Variants in ECE1 observed in about 807,000 individuals in gnomAD.
ECE1 encodes endothelin-converting enzyme 1.
Under a neutral mutation model 98.6 loss-of-function variants are expected in ECE1, and 35 were observed. That is an observed-to-expected ratio of 0.35 (90% CI 0.27 to 0.47). The LOEUF is 0.47. ECE1 is among the 20% of genes least tolerant of loss of function. The pLI is 1.00. For synonymous variants in ECE1, 394 were observed against 407.1 expected (o/e 0.97, Z 0.39); for missense variants, 814 against 1,025.3 (o/e 0.79, Z 2.81).
intron 4 of ECE1, among the ~76,000 whole-genome samples, chr1:21,267,417 A>G (rs1164216346): frequency 1.3e-5 from 2 of 152,210 alleles, no homozygotes; most frequent in African/African-American, 2.4e-5. Context: ...ATGGGTGGCA[A>G]CAGGCAAAGA....
chr1:21,334,097 C>G (rs537660622), intron 1 of ECE1, among the ~76,000 whole-genome samples: 2 of 152,286 alleles, frequency 1.3e-5, no homozygotes, highest in African/African-American at 4.8e-5. Flanking sequence ...GGCTCCAAAA[C>G]CTCCATACCT....
chr1:21,282,606 A>G (rs1172434642), intron 2 of ECE1, among the ~76,000 whole-genome samples: 1 of 145,652 alleles, frequency 6.9e-6, no homozygotes, highest in Non-Finnish European at 1.5e-5. Context: ...AAAAAAAAAG[A>G]AAGAAAAGAA....
intron 13 of ECE1, among the ~76,000 whole-genome samples, chr1:21,234,224 G>A (rs2098185293): frequency 6.6e-6 from 1 of 151,862 alleles, no homozygotes; most frequent in Non-Finnish European, 1.5e-5. Flanking sequence ...CTGACCTCAG[G>A]TGATCAGCCC....
rs538864292 is a variant in ECE1, at chr1:21,225,095, G to A, written c.2040+155C>T. On this transcript the variant is annotated intron_variant, in intron 17 of 18. Transcript: ENST00000374893. The surrounding 1 kb of genome is among the most constrained non-coding windows in gnomAD (Gnocchi z 5.3). ...GGGGAGCCTCCACGGTCGGCATCGC[G>A]ATTGGTCCTCGCCACCCCCAATTTC... 2.2e-4 allele frequency among the ~76,000 whole-genome samples: 33 copies of A among 152,190 alleles called. No individual in the cohort carries two copies. The highest frequency in any genetic ancestry group is 3.8e-4 in the Non-Finnish European group (26 of 68,032).
At chr1:21,230,576 TG>T (rs1489320362) in intron 14 of ECE1, among the ~76,000 whole-genome samples, 1 of 152,014 alleles carries the variant, frequency 6.6e-6, no homozygotes, top group Admixed American at 6.6e-5. Flanking sequence ...TTAGTAGAGA[TG>T]GGGTTTCACC....
chr1:21,272,744 T>G lies in ECE1; in HGVS notation c.448A>C (p.Ser150Arg). The change falls in exon 4 of 19, where the codon AGC becomes CGC. Residue 150 changes from serine (S) to arginine (R), a missense_variant. Around this residue, in one of 3 missense-constraint regions of ECE1, gnomAD observed 257 missense variants for 278.9 expected, o/e 0.92. Transcript: ENST00000374893. ...PDGHSRWGTFSNLWEHNQAII... is the reference protein window; with the variant it reads ...PDGHSRWGTFRNLWEHNQAII... ...GCTTGGTTGTGTTCCCAGAGGTTGC[T>G]GAAGGTCCCCCAGCGTGAGTGGCCA... is the stretch of plus-strand genomic sequence containing the variant. The G allele has an allele frequency of 6.8e-6, 11 of 1,614,266 alleles. No individual in the cohort carries two copies. The highest frequency in any genetic ancestry group is 7.6e-6 in the Non-Finnish European group (9 of 1,180,044).
chr1:21,256,177 C>A (rs775758654), intron 7 of ECE1, 39 bp from the exon 8 acceptor site: 1 of 1,573,532 alleles, frequency 6.4e-7, no homozygotes, highest in Non-Finnish European at 8.7e-7. Flanking sequence ...TGGCTGCCCC[C>A]CCACTATCCA....
chr1:21,316,443 AT>A (rs202241698), intron 1 of ECE1, among the ~76,000 whole-genome samples: 1,301 of 128,088 alleles, frequency 0.01, 8 homozygotes, highest in Non-Finnish European at 0.017. Flanking sequence ...TAATTTTTGT[AT>A]TTTTTTTTTA....
intron 6 of ECE1, 143 bp from the exon 7 acceptor site, chr1:21,257,733 C>T (rs2098221646): frequency 4.6e-6 from 4 of 862,780 alleles, no homozygotes; most frequent in Non-Finnish European, 7.6e-6. Context: ...TGGCTACAGT[C>T]ACTGAGAAGC....
chr1:21,289,467 G>A (rs1183660067), intron 2 of ECE1, among the ~76,000 whole-genome samples: 1 of 152,166 alleles, frequency 6.6e-6, no homozygotes, highest in Non-Finnish European at 1.5e-5. Flanking sequence ...GCCCACGGGC[G>A]GAGACCCTGG....
chr1:21,274,606 G>A (rs1240466158), intron 3 of ECE1, among the ~76,000 whole-genome samples: 5 of 152,272 alleles, frequency 3.3e-5, no homozygotes, highest in African/African-American at 1.2e-4. Flanking sequence ...AGCAAAGAAC[G>A]CACGAGCTAG....
chr1:21,240,923 G>A (rs1283321492), intron 10 of ECE1, among the ~76,000 whole-genome samples: 3 of 152,246 alleles, frequency 2.0e-5, no homozygotes, highest in Admixed American at 6.5e-5. Context: ...TACGCATCCA[G>A]CGTTCTGTGA....
rs1247566799 is a variant in ECE1 at position 21,256,138 on chromosome 1, C to G, written c.829G>C (p.Val277Leu). Residue 277 changes from valine to leucine, a missense_variant and splice_region_variant, in exon 8 of 19, where the codon GTG (valine) becomes CTG (leucine). This residue lies in a region of ECE1 where 105 missense variants were observed against 179.1 expected (regional missense o/e 0.59). Coordinates refer to ENST00000374893, the MANE Select transcript of ECE1 (RefSeq NM_001397.3). ...ATGTAGTTCAGATATCCGGTCAGCA[C>G]CTGCAGGGCCCATACCCCAAACTGT... ...YYLNKTENEKVLTGYLNYMVQ... is the reference protein window; with the variant it reads ...YYLNKTENEKLLTGYLNYMVQ... The G allele has an allele frequency of 2.5e-6, 4 of 1,597,880 alleles. No individual in the cohort carries two copies. The Admixed American group carries it at 5.0e-5, about 20-fold the overall frequency.
chr1:21,257,879 CTCCCCAACGCTT>C (rs1178164894), intron 6 of ECE1, among the ~76,000 whole-genome samples: 2 of 152,250 alleles, frequency 1.3e-5, no homozygotes, highest in Non-Finnish European at 2.9e-5. Flanking sequence ...GTGCCTCTAT[CTCCCCAACGCTT>C]TCCAGGTGGT....
intron 3 of ECE1, among the ~76,000 whole-genome samples, chr1:21,276,885 T>A (rs1326072616): frequency 6.6e-6 from 1 of 151,990 alleles, no homozygotes; most frequent in African/African-American, 2.4e-5. Flanking sequence ...CCTGGCTAAT[T>A]TTTGTATTTT....
chr1:21,276,648 C>G (rs960664229), intron 3 of ECE1, among the ~76,000 whole-genome samples: 1 of 151,884 alleles, frequency 6.6e-6, no homozygotes, highest in Non-Finnish European at 1.5e-5. Flanking sequence ...CCAGACATTC[C>G]CAGAGGCTGG....
At position 21,342,432 on chromosome 1, in the gene ECE1, G is replaced by T. The variant is rs570335155; in HGVS notation, c.3+2944C>A. On this transcript the variant is annotated intron_variant, in intron 1 of 18. Coordinates refer to the ECE1 transcript ENST00000415912. Reference sequence around the variant, plus strand: ...CATAAAAAGCCTCCTCAGAACCCTCGGCCCACGGCTTGCACTGGGAGAAAA... The same window carrying T: ...CATAAAAAGCCTCCTCAGAACCCTCTGCCCACGGCTTGCACTGGGAGAAAA... 1.3e-3 allele frequency among the ~76,000 whole-genome samples: 204 copies of T among 152,138 alleles called. 3 individuals carry two copies. The South Asian group carries it at 0.016, about 12-fold the overall frequency.
chr1:21,272,935 C>G, intron 3 of ECE1, 24 bp from the exon 4 acceptor site: 13 of 1,613,320 alleles, frequency 8.1e-6, no homozygotes, highest in Non-Finnish European at 1.1e-5. Flanking sequence ...GGACAAGAGG[C>G]CAGTGAAGGG....
At chr1:21,316,216 C>G (rs910321381) in intron 1 of ECE1, among the ~76,000 whole-genome samples, 12 of 152,210 alleles carry the variant, frequency 7.9e-5, no homozygotes, top group African/African-American at 2.9e-4. Context: ...TTGGCCTGTT[C>G]TCTCAGTGAG....
Sources: allele counts gnomAD v4.1 joint callset (sites outside exome capture counted in the v4.1 genomes callset), GRCh38; gene constraint gnomAD v4.1.1; regional missense constraint gnomAD v4.1.1; non-coding constraint Gnocchi (gnomAD v3.1); transcripts MANE v1.5; gene names NCBI Gene and HGNC (gene_info 2026-07-23, HGNC 2026-07-21).